The following CDK13 variants were observed in gnomAD, a reference collection of about 807,000 sequenced individuals.
CDK13 encodes the protein cyclin dependent kinase 13, also known as cyclin-dependent kinase 13.
A neutral mutation model predicts 137.6 loss-of-function variants in CDK13; 40 were observed. That is an observed-to-expected ratio of 0.29 (90% CI 0.23 to 0.38). CDK13 has a LOEUF of 0.38. CDK13 is among the 10% of genes least tolerant of loss of function. CDK13 has a pLI of 1.00. For missense variants in CDK13, 1,704 were observed against 1,951.8 expected, an observed-to-expected ratio of 0.87 and a Z score of 2.39; for synonymous variants, 869 against 760.1, an observed-to-expected ratio of 1.14 and a Z score of -2.36.
chr7:40,028,153 G>T (rs910002359), intron 5 of CDK13, among the ~76,000 whole-genome samples: 1 of 151,788 alleles, frequency 6.6e-6, no homozygotes, highest in Non-Finnish European at 1.5e-5. Flanking sequence ...TGATCAGAGT[G>T]GGGGTTTTCA....
chr7:40,090,020 G>T (rs1296972365), intron 12 of CDK13, among the ~76,000 whole-genome samples: 1 of 152,148 alleles, frequency 6.6e-6, no homozygotes, highest in Non-Finnish European at 1.5e-5. Context: ...ATTGTTATTT[G>T]TTGTTCAAAA....
intron 1 of CDK13, among the ~76,000 whole-genome samples, chr7:39,953,390 G>A (rs1787299995): frequency 1.3e-5 from 2 of 152,128 alleles, no homozygotes; most frequent in African/African-American, 2.4e-5. Context: ...CAAACTGGTT[G>A]GTTGAAGTTT....
chr7:40,005,767 A>G (rs1583978667), intron 5 of CDK13, among the ~76,000 whole-genome samples: 1 of 152,050 alleles, frequency 6.6e-6, no homozygotes, highest in Admixed American at 6.5e-5. Flanking sequence ...TCATTCTGTC[A>G]CCCAAGCTAG....
chr7:40,004,051 C>G (rs1372968803), intron 5 of CDK13, among the ~76,000 whole-genome samples: 1 of 152,128 alleles, frequency 6.6e-6, no homozygotes, highest in African/African-American at 2.4e-5. Flanking sequence ...GTTGTGCCTC[C>G]TACCTAGCTC....
At chr7:40,025,493 A>T (rs1450215549) in intron 5 of CDK13, among the ~76,000 whole-genome samples, 1 of 152,160 alleles carries the variant, frequency 6.6e-6, no homozygotes, top group Non-Finnish European at 1.5e-5. Flanking sequence ...TATTCCTTGT[A>T]TCTACTTTCA....
At chr7:40,091,334 C>T (rs1274725441) in intron 12 of CDK13, among the ~76,000 whole-genome samples, 4 of 150,368 alleles carry the variant, frequency 2.7e-5, no homozygotes, top group Non-Finnish European at 3.0e-5. Flanking sequence ...GGCCACAGGG[C>T]GAGACTCCGT....
intron 12 of CDK13, among the ~76,000 whole-genome samples, chr7:40,091,206 G>A (rs1057473185): frequency 3.3e-5 from 5 of 152,092 alleles, no homozygotes; most frequent in African/African-American, 9.7e-5. Flanking sequence ...TTAGCCGGGC[G>A]TGGTGGTGGC....
rs1584102716 is a variant in CDK13 at position 40,096,932 on chromosome 7, A to G, written c.*1952A>G. 2 of 152,142 alleles carry G rather than the reference A, an allele frequency of 1.3e-5. No individual in the cohort carries two copies. The highest frequency in any genetic ancestry group is 2.9e-5 in the Non-Finnish European group (2 of 67,978). 9.4% of individuals were successfully genotyped at this position (152,142 alleles called of 1,614,324 possible). Reference sequence around the variant, plus strand: ...AGAAATATTTTGAAATTAGCAAAATAGCAACAGTATTCAAGTATCTGAAAT... The same window carrying G: ...AGAAATATTTTGAAATTAGCAAAATGGCAACAGTATTCAAGTATCTGAAAT... On this transcript the variant is annotated 3_prime_UTR_variant, in exon 14 of 14. Transcript: ENST00000181839.
intron 9 of CDK13, chr7:40,069,922 A>G (rs1276813900): frequency 6.6e-6 from 1 of 152,030 alleles, no homozygotes; most frequent in African/African-American, 2.4e-5. Flanking sequence ...TCTCTGCTAA[A>G]ATACAAAACA....
Position 39,950,795 on chromosome 7 carries a change from C to G in CDK13, c.154C>G (p.Pro52Ala), listed in dbSNP as rs1415984844. The change falls in exon 1 of 14, where the codon CCG (proline) becomes GCG (alanine). Residue 52 changes from proline (P) to alanine (A), a missense_variant. Physicochemically the swap from Pro to Ala is conservative, Grantham distance 27. This residue lies in a region of CDK13 where 1,051 missense variants were observed against 931.0 expected (regional missense o/e 1.13). Coordinates refer to ENST00000181839, the MANE Select transcript of CDK13 (RefSeq NM_003718.5). ...CCTGCAGCCGCAGCTCCTGCAACCG[C>G]CGCCGCCCCCGCCGCCTCTGCTCTT... ...PLLQPQLLQP[P>A]PPPPPLLFLA... 2 of 1,460,970 alleles carry G rather than the reference C, an allele frequency of 1.4e-6. No individual in the cohort carries two copies. The highest frequency in any genetic ancestry group is 6.0e-5 in the East Asian group (2 of 33,606). 90.5% of individuals were successfully genotyped at this position (1,460,970 alleles called of 1,614,324 possible).
At chr7:40,013,003 A>C (rs928279122) in intron 5 of CDK13, among the ~76,000 whole-genome samples, 1 of 152,162 alleles carries the variant, frequency 6.6e-6, no homozygotes, top group African/African-American at 2.4e-5. Context: ...GCAAGGTGGA[A>C]GCAACCCAAG....
rs918459117 is a variant in CDK13, at chr7:39,950,783, C to G, written c.142C>G (p.Leu48Val). Reference protein sequence around the residue: ...PLLLPLLQPQLLQPPPPPPPL... With the variant: ...PLLLPLLQPQVLQPPPPPPPL... The stretch of plus-strand genomic sequence containing the variant: ...GCTGTTGCCGCTCCTGCAGCCGCAG[C>G]TCCTGCAACCGCCGCCGCCCCCGCC... The change falls in exon 1 of 14, where the codon CTC becomes GTC. Residue 48 changes from leucine (L) to valine (V), a missense_variant. Transcript: ENST00000181839. 6.8e-7 allele frequency: 1 copy of G among 1,470,478 alleles called. No homozygotes were observed. Among genetic ancestry groups the G allele is most frequent in the Non-Finnish European group, 8.9e-7 (1 of 1,118,376 alleles). 91.1% of individuals were successfully genotyped at this position (1,470,478 alleles called of 1,614,324 possible).
At chr7:40,075,926 A>C (rs1349289995) in intron 9 of CDK13, among the ~76,000 whole-genome samples, 1 of 152,056 alleles carries the variant, frequency 6.6e-6, no homozygotes, top group Non-Finnish European at 1.5e-5. Context: ...CCCTACACTG[A>C]TTTACATAGT....
chr7:40,036,388 A>G (rs764407616), intron 5 of CDK13, among the ~76,000 whole-genome samples: 44 of 152,250 alleles, frequency 2.9e-4, no homozygotes, highest in Admixed American at 5.9e-4. Context: ...CCTGGCCAAC[A>G]TGGCGAAACC....
rs2116045982 is a variant in CDK13, at chr7:39,950,687, A to G, written c.46A>G (p.Ser16Gly). The change falls in exon 1 of 14, where the codon AGC becomes GGC. Residue 16 changes from serine to glycine, a missense_variant. Around this residue, in one of 5 missense-constraint regions of CDK13, gnomAD observed 1,051 missense variants for 931.0 expected, o/e 1.13. Coordinates refer to ENST00000181839, the MANE Select transcript of CDK13 (RefSeq NM_003718.5). Reference sequence around the variant, plus strand: ...GGCGCTGGGGGGAGGCGGGGGCCTGAGCTGGGCGGAGAAGAAGTTGGAGGA... The same window carrying G: ...GGCGCTGGGGGGAGGCGGGGGCCTGGGCTGGGCGGAGAAGAAGTTGGAGGA... Reference protein sequence around the residue: ...DTALGGGGGLSWAEKKLEERR... With the variant: ...DTALGGGGGLGWAEKKLEERR... 3 of 1,426,088 alleles carry G rather than the reference A, an allele frequency of 2.1e-6. No homozygotes were observed. Among genetic ancestry groups the G allele is most frequent in the Non-Finnish European group, 2.7e-6 (3 of 1,094,868 alleles). The allele number at this position is 1,426,088 out of a possible 1,614,324, so 88.3% of individuals were successfully genotyped here.
At chr7:39,982,925 C>T (rs903970227) in intron 1 of CDK13, among the ~76,000 whole-genome samples, 1 of 152,110 alleles carries the variant, frequency 6.6e-6, no homozygotes, top group African/African-American at 2.4e-5. Flanking sequence ...AGCCCTTTGT[C>T]AGATGAGTAG....
At chr7:40,033,612 C>G (rs941178246) in intron 5 of CDK13, among the ~76,000 whole-genome samples, 1 of 152,070 alleles carries the variant, frequency 6.6e-6, no homozygotes, top group Non-Finnish European at 1.5e-5. Flanking sequence ...CTCTAGTGTT[C>G]ATGTTTTTGT....
At chr7:39,989,398 ATT>A (rs1052462782) in intron 2 of CDK13, among the ~76,000 whole-genome samples, 1 of 144,590 alleles carries the variant, frequency 6.9e-6, no homozygotes, top group South Asian at 2.2e-4. Flanking sequence ...TTCCTAGCTG[ATT>A]TTTTTTTTTT....
intron 9 of CDK13, among the ~76,000 whole-genome samples, chr7:40,064,817 T>C (rs1786242569): frequency 6.7e-6 from 1 of 150,310 alleles, no homozygotes; most frequent in Non-Finnish European, 1.5e-5. Flanking sequence ...TTTGAGACAG[T>C]ATCTCACTTT....
Sources: gnomAD v4.1 joint callset for allele counts (sites outside exome capture counted in the v4.1 genomes callset) on GRCh38, gnomAD v4.1.1 for gene constraint, gnomAD v4.1.1 regional missense constraint, MANE v1.5 for transcripts, NCBI Gene and HGNC (gene_info 2026-07-23, HGNC 2026-07-21) for gene names.